Variants in DOCK2 observed in about 807,000 individuals in gnomAD.
DOCK2 encodes dedicator of cytokinesis 2, also known as dedicator of cytokinesis protein 2.
In DOCK2, 87 loss-of-function variants were observed where a neutral mutation model predicts 248.9. That is an observed-to-expected ratio of 0.35 (90% CI 0.29 to 0.42). DOCK2 has a LOEUF of 0.42. Ranked by LOEUF, DOCK2 falls within the 10% of genes least tolerant of loss-of-function variation. DOCK2 has a pLI of 1.00. For synonymous variants in DOCK2, 805 were observed against 821.6 expected (o/e 0.98, Z 0.35); for missense variants, 1,747 against 2,300.2 (o/e 0.76, Z 4.92).
intron 25 of DOCK2, among the ~76,000 whole-genome samples, chr5:169,779,556 G>C (rs1765577263): frequency 6.6e-6 from 1 of 152,134 alleles, no homozygotes; most frequent in African/African-American, 2.4e-5. Flanking sequence ...CCTAGGGCCA[G>C]CTCTAGAGGA....
chr5:169,881,056 T>G (rs1169996602), intron 27 of DOCK2, among the ~76,000 whole-genome samples: 1 of 152,190 alleles, frequency 6.6e-6, no homozygotes, highest in Non-Finnish European at 1.5e-5. Context: ...GAAAATGCTC[T>G]GTGTGAGCGA....
chr5:170,075,904 C>A (rs1295806789), intron 46 of DOCK2, 43 bp from the exon 47 acceptor site: 8 of 1,608,526 alleles, frequency 5.0e-6, no homozygotes, highest in Non-Finnish European at 6.8e-6. Context: ...GGCTGAGGCC[C>A]ACCGGTCAGC....
chr5:169,986,055 A>G (rs1288940520), intron 29 of DOCK2, 133 bp downstream of exon 29: 2 of 807,672 alleles, frequency 2.5e-6, no homozygotes, highest in East Asian at 2.7e-5. Context: ...CTTTCTTTCT[A>G]TCTTTAAACC....
intron 32 of DOCK2, among the ~76,000 whole-genome samples, chr5:170,015,731 T>C (rs551669449): frequency 2.6e-5 from 4 of 152,222 alleles, no homozygotes; most frequent in African/African-American, 4.8e-5. Flanking sequence ...CATGTCAGCC[T>C]CAGAAGCCCA....
At chr5:169,968,468 C>A (rs1396671676) in intron 27 of DOCK2, among the ~76,000 whole-genome samples, 1 of 152,140 alleles carries the variant, frequency 6.6e-6, no homozygotes, top group African/African-American at 2.4e-5. Context: ...GACACATGAG[C>A]ATATGATTAA....
chr5:170,046,950 T>C (rs1312606729), intron 39 of DOCK2, among the ~76,000 whole-genome samples: 4 of 152,204 alleles, frequency 2.6e-5, no homozygotes, highest in Non-Finnish European at 5.9e-5. Flanking sequence ...TCATGATTCC[T>C]TCAGGGCCAA....
intron 15 of DOCK2, among the ~76,000 whole-genome samples, chr5:169,709,993 C>G (rs920168047): frequency 2.0e-5 from 3 of 152,148 alleles, no homozygotes; most frequent in African/African-American, 4.8e-5. Flanking sequence ...TTTGTTTTAG[C>G]CAAAGCAGGT....
chr5:169,659,448 G>A (rs937338924), intron 2 of DOCK2, among the ~76,000 whole-genome samples: 33 of 152,216 alleles, frequency 2.2e-4, no homozygotes, highest in African/African-American at 8.0e-4. Flanking sequence ...TACTGAAACT[G>A]GCAGATGTAT....
At chr5:169,875,342 T>C (rs550467722) in intron 27 of DOCK2, 23 of 456,650 alleles carry the variant, frequency 5.0e-5, no homozygotes, top group Middle Eastern at 6.5e-4. Context: ...CCGATGCAGA[T>C]GGTCCACGAC....
At chr5:169,650,912 G>A (rs1030202126) in intron 1 of DOCK2, among the ~76,000 whole-genome samples, 6 of 152,190 alleles carry the variant, frequency 3.9e-5, no homozygotes, top group East Asian at 1.9e-4. Flanking sequence ...GAGTATTTGC[G>A]GGAATGGCCG....
At position 169,702,519 on chromosome 5, in the gene DOCK2, C is replaced by G. The variant is rs902603598; in HGVS notation, c.1383+92C>G. On this transcript the variant is annotated intron_variant, in intron 14 of 51. Transcript: ENST00000520908. Reference sequence around the variant, plus strand: ...CTTTTCCTCTCCCTGATTCTGTTGTCTAAATGCCAGGTGCCTTTGGGATGG... The same window carrying G: ...CTTTTCCTCTCCCTGATTCTGTTGTGTAAATGCCAGGTGCCTTTGGGATGG... 14 of 1,560,826 alleles carry G rather than the reference C, an allele frequency of 9.0e-6. No homozygotes were observed. The African/African-American group carries it at 1.8e-4, about 20-fold the overall frequency.
At chr5:169,864,174 G>A in intron 27 of DOCK2, 1 of 1,088,016 alleles carries the variant, frequency 9.2e-7, no homozygotes, top group Non-Finnish European at 1.4e-6. Flanking sequence ...TCACAGCCCA[G>A]GGCCTTTGCA....
chr5:169,843,111 A>G (rs1184313918), intron 27 of DOCK2, among the ~76,000 whole-genome samples: 1 of 152,198 alleles, frequency 6.6e-6, no homozygotes. Context: ...GCCAAAATGG[A>G]TGTCTGGATA....
At chr5:169,704,886 G>A (rs917432798) in intron 14 of DOCK2, among the ~76,000 whole-genome samples, 5 of 151,910 alleles carry the variant, frequency 3.3e-5, no homozygotes, top group Non-Finnish European at 5.9e-5. Flanking sequence ...ATGCTGCTGG[G>A]CACAGCGGCT....
At chr5:169,771,024 A>G (rs183932210) in intron 25 of DOCK2, among the ~76,000 whole-genome samples, 1 of 152,170 alleles carries the variant, frequency 6.6e-6, no homozygotes, top group African/African-American at 2.4e-5. Flanking sequence ...GAGATAGTGA[A>G]CACTCTTTTC....
rs928471228 is a variant in DOCK2, at chr5:169,713,661, A to G, written c.1660-367A>G. 1.2e-4 allele frequency among the ~76,000 whole-genome samples: 19 copies of G among 152,338 alleles called. No individual in the cohort carries two copies. The East Asian group carries it at 2.1e-3, about 17-fold the overall frequency. On this transcript the variant is annotated intron_variant, in intron 17 of 51. Coordinates refer to ENST00000520908, the MANE Select transcript of DOCK2 (RefSeq NM_004946.3). ...CACACTCTTACTTAGTGCCTTTGCCATTAAATTCCTCTTTAAGCTAGAGTC... is the reference window on the plus strand; with the variant it reads ...CACACTCTTACTTAGTGCCTTTGCCGTTAAATTCCTCTTTAAGCTAGAGTC...
intron 23 of DOCK2, among the ~76,000 whole-genome samples, chr5:169,753,890 C>T (rs539203648): frequency 2.0e-5 from 3 of 152,266 alleles, no homozygotes; most frequent in South Asian, 2.1e-4. Context: ...CCTGTGACAT[C>T]GTTTTTCCAG....
intron 27 of DOCK2, among the ~76,000 whole-genome samples, chr5:169,963,729 G>A (rs1777185158): frequency 6.6e-6 from 1 of 152,002 alleles, no homozygotes; most frequent in Non-Finnish European, 1.5e-5. Flanking sequence ...CTCCCTACCA[G>A]CAGCATTTTT....
At chr5:169,914,705 A>G (rs1355532548) in intron 27 of DOCK2, among the ~76,000 whole-genome samples, 2 of 152,198 alleles carry the variant, frequency 1.3e-5, no homozygotes, top group African/African-American at 4.8e-5. Flanking sequence ...TAAGGCATCA[A>G]TCCCTGCAGG....
Sources: allele counts gnomAD v4.1 joint callset (sites outside exome capture counted in the v4.1 genomes callset), GRCh38; gene constraint gnomAD v4.1.1; transcripts MANE v1.5; gene names NCBI Gene and HGNC (gene_info 2026-07-23, HGNC 2026-07-21).